Variants in SLA2 observed in about 807,000 individuals in gnomAD.
SLA2 encodes Src like adaptor 2.
SLA2 carries 22 observed loss-of-function variants against 27.3 expected under a neutral mutation model. The ratio of observed to expected loss-of-function variants is 0.81; its 90% CI spans 0.58 to 1.15. The LOEUF is 1.15. SLA2 is among the 50% of genes most tolerant of loss of function. The pLI, the probability that SLA2 is intolerant of heterozygous loss-of-function variation, is 0.00. For missense variants in SLA2, 304 were observed against 322.2 expected (o/e 0.94, Z 0.43); for synonymous variants, 131 against 137.8 (o/e 0.95, Z 0.34).
In SLA2 at chr20:36,634,530, G is replaced by A. The variant is rs745837261; in HGVS notation, c.151C>T (p.Leu51=). 6.2e-7 allele frequency: 1 copy of A among 1,611,648 alleles called. No individual in the cohort carries two copies. Residue 51 remains leucine (L), a synonymous_variant, in exon 3 of 8, where the codon CTG becomes TTG. Transcript: ENST00000262866. ...AATGGCTCCCCGAGTCTCAGCGACA[G>A]CTCGGCCGGGCCACCTGCCGGGAAA... ...GSFPAGGPAE[L]SLRLGEPLTI...
At chr20:36,628,248 C>T (rs1437934437) in intron 5 of SLA2, among the ~76,000 whole-genome samples, 1 of 152,108 alleles carries the variant, frequency 6.6e-6, no homozygotes, top group East Asian at 1.9e-4. Context: ...CACTTGGGCC[C>T]CTAGAGTCAC....
At chr20:36,625,455 C>T (rs951377245) in intron 5 of SLA2, among the ~76,000 whole-genome samples, 9 of 152,076 alleles carry the variant, frequency 5.9e-5, no homozygotes, top group African/African-American at 2.2e-4. Flanking sequence ...GAACTCTGTC[C>T]TCAGGTGATT....
intron 5 of SLA2, among the ~76,000 whole-genome samples, chr20:36,631,662 A>T (rs2039394342): frequency 6.6e-6 from 1 of 152,062 alleles, no homozygotes; most frequent in African/African-American, 2.4e-5. Flanking sequence ...TCTCAAATAG[A>T]GGTATGTTTC....
At chr20:36,632,080 C>A (rs1230110224) in intron 5 of SLA2, among the ~76,000 whole-genome samples, 1 of 152,174 alleles carries the variant, frequency 6.6e-6, no homozygotes, top group African/African-American at 2.4e-5. Context: ...TGTAATGCAT[C>A]CTCTCGTTTC....
rs752066374 is a variant in SLA2, at chr20:36,613,990, T to G, written c.666-4A>C. The G allele has an allele frequency of 6.2e-7, 1 of 1,613,720 alleles. No homozygotes were observed. Among genetic ancestry groups the G allele is most frequent in the South Asian group, 1.1e-5 (1 of 91,068 alleles). ...AGCTTCAGAAAACAGGAGGGAGCTG[T>G]GGACAAAGGAAGATAATTGGGTCAA... On this transcript the variant is annotated splice_polypyrimidine_tract_variant and splice_region_variant and intron_variant, in intron 7 of 7. Transcript: ENST00000262866.
chr20:36,614,045 A>C, intron 7 of SLA2, 59 bp from the exon 8 acceptor site: 1 of 1,601,344 alleles, frequency 6.2e-7, no homozygotes, highest in Non-Finnish European at 8.5e-7. Flanking sequence ...TGTACTCACT[A>C]CACACAAAAT....
intron 2 of SLA2, among the ~76,000 whole-genome samples, chr20:36,636,989 T>G (rs957608951): frequency 6.6e-6 from 1 of 151,154 alleles, no homozygotes; most frequent in Non-Finnish European, 1.5e-5. Flanking sequence ...TTTAATCTGT[T>G]TTACTGTAGT....
chr20:36,617,824 A>G (rs1334822475), intron 5 of SLA2, among the ~76,000 whole-genome samples: 1 of 144,582 alleles, frequency 6.9e-6, no homozygotes, highest in Non-Finnish European at 1.5e-5. Context: ...CCACTGCACT[A>G]CAGCCCGGGC....
At chr20:36,640,066 G>A (rs956939875) in intron 2 of SLA2, among the ~76,000 whole-genome samples, 2 of 152,176 alleles carry the variant, frequency 1.3e-5, no homozygotes, top group African/African-American at 2.4e-5. Flanking sequence ...TCAGCACTTT[G>A]GGAGGCCAAG....
chr20:36,626,823 C>T (rs866307407), intron 5 of SLA2, among the ~76,000 whole-genome samples: 30 of 136,174 alleles, frequency 2.2e-4, no homozygotes, highest in African/African-American at 5.8e-4. Flanking sequence ...CCAGCCTGGG[C>T]GACAGCAAGA....
intron 1 of SLA2, among the ~76,000 whole-genome samples, chr20:36,643,986 C>A (rs1354313242): frequency 6.6e-6 from 1 of 151,930 alleles, no homozygotes; most frequent in Non-Finnish European, 1.5e-5. Context: ...TACCTGCTTG[C>A]TGCTCCCTCC....
chr20:36,634,317 G>T (rs1026991505), intron 3 of SLA2, among the ~76,000 whole-genome samples, 173 bp downstream of exon 3: 1 of 151,482 alleles, frequency 6.6e-6, no homozygotes, highest in Non-Finnish European at 1.5e-5. Flanking sequence ...ACAGGGTCTT[G>T]CTGTCACCCA....
chr20:36,642,881 G>C (rs1053670690), intron 1 of SLA2, among the ~76,000 whole-genome samples: 1 of 151,872 alleles, frequency 6.6e-6, no homozygotes, highest in Non-Finnish European at 1.5e-5. Context: ...CACCGCACCC[G>C]GTCCTTTTTT....
chr20:36,614,560 A>G lies in SLA2; in HGVS notation c.533-123T>C, dbSNP rs552077411. 24 of 1,470,478 alleles carry G rather than the reference A, an allele frequency of 1.6e-5. No individual in the cohort carries two copies. In the Admixed American group the frequency reaches 4.9e-4, roughly 30 times the overall value. The allele number at this position is 1,470,478 out of a possible 1,614,324, so 91.1% of individuals were successfully genotyped here. Reference sequence around the variant, plus strand: ...CATGGTTACCAAAGAGTGATAGGACATGAGCCCCAAGCTATTGGTTTCATG... The same window carrying G: ...CATGGTTACCAAAGAGTGATAGGACGTGAGCCCCAAGCTATTGGTTTCATG... On this transcript the variant is annotated intron_variant, in intron 6 of 7. Transcript: ENST00000262866.
chr20:36,618,839 G>A lies in SLA2; in HGVS notation c.383-3465C>T, dbSNP rs574040409. 3.4e-5 allele frequency among the ~76,000 whole-genome samples: 5 copies of A among 147,434 alleles called. No individual in the cohort carries two copies. The South Asian group carries it at 8.6e-4, about 25-fold the overall frequency. On this transcript the variant is annotated intron_variant, in intron 5 of 7. Coordinates refer to ENST00000262866, the MANE Select transcript of SLA2 (RefSeq NM_032214.4). ...GGAGAATTGCTTGAACCCAGGCAGC[G>A]GAGATTGCAGTGAGCCGAGATTGTA...
At chr20:36,645,078 GC>G (rs1978286818) in intron 1 of SLA2, among the ~76,000 whole-genome samples, 1 of 151,984 alleles carries the variant, frequency 6.6e-6, no homozygotes, top group Admixed American at 6.6e-5. Flanking sequence ...AGTGGCTCAT[GC>G]CTGTAATCCC....
chr20:36,640,531 C>G (rs1408210121), intron 2 of SLA2, among the ~76,000 whole-genome samples: 6 of 128,978 alleles, frequency 4.7e-5, no homozygotes, highest in Admixed American at 8.6e-5. Flanking sequence ...TTTTGTTAGA[C>G]GAATTTTCAC....
chr20:36,634,219 CAG>C (rs1190745007), intron 3 of SLA2, among the ~76,000 whole-genome samples: 2 of 152,088 alleles, frequency 1.3e-5, no homozygotes, highest in Non-Finnish European at 2.9e-5. Flanking sequence ...TTCCTGACCT[CAG>C]GTGATCTGCC....
chr20:36,632,110 C>G (rs1279994218), intron 5 of SLA2, among the ~76,000 whole-genome samples: 3 of 152,186 alleles, frequency 2.0e-5, no homozygotes, highest in African/African-American at 7.2e-5. Context: ...ACACGCCCAG[C>G]ACTGTGTCTC....
Sources: allele counts gnomAD v4.1 joint callset (sites outside exome capture counted in the v4.1 genomes callset), GRCh38; gene constraint gnomAD v4.1.1; transcripts MANE v1.5; gene names NCBI Gene and HGNC (gene_info 2026-07-23, HGNC 2026-07-21).